Variants in STPG2 observed in about 807,000 individuals in gnomAD.
STPG2 encodes sperm-tail PG-rich repeat-containing protein 2.
In STPG2, 56 loss-of-function variants were observed where a neutral mutation model predicts 54.2. That is an observed-to-expected ratio of 1.03 (90% confidence interval 0.83 to 1.29). The LOEUF (loss-of-function observed/expected upper bound fraction) is 1.29. Ranked by LOEUF, STPG2 falls within the 50% of genes most tolerant of loss-of-function variation. STPG2 has a pLI of 0.00. For missense variants in STPG2, 596 were observed against 544.9 expected (o/e 1.09, Z -0.93); for synonymous variants, 200 against 181.8 (o/e 1.10, Z -0.81).
intron 9 of STPG2, among the ~76,000 whole-genome samples, chr4:97,834,857 G>C (rs1400706289): frequency 6.6e-6 from 1 of 151,972 alleles, no homozygotes; most frequent in African/African-American, 2.4e-5. Flanking sequence ...TCTCTACCCT[G>C]AATGCAAGAG....
chr4:98,079,560 A>G (rs1738274268), intron 5 of STPG2, among the ~76,000 whole-genome samples: 1 of 152,034 alleles, frequency 6.6e-6, no homozygotes, highest in South Asian at 2.1e-4. Flanking sequence ...TCACTTACAT[A>G]CTCACTCTTT....
intron 4 of STPG2, among the ~76,000 whole-genome samples, chr4:98,108,480 A>C (rs1043949315): frequency 6.6e-6 from 1 of 152,164 alleles, no homozygotes; most frequent in East Asian, 1.9e-4. Context: ...GTATTTCTTC[A>C]TAAATATTCT....
intron 4 of STPG2, among the ~76,000 whole-genome samples, chr4:97,508,065 A>G (rs1454905742): frequency 6.6e-6 from 1 of 152,044 alleles, no homozygotes; most frequent in African/African-American, 2.4e-5. Context: ...TTGAAGCTAT[A>G]TAGGAGCCCA....
intron 10 of STPG2, among the ~76,000 whole-genome samples, chr4:97,697,982 G>C (rs1723639414): frequency 6.6e-6 from 1 of 152,112 alleles, no homozygotes. Flanking sequence ...TAAATACGTG[G>C]GTAAAACTCT....
chr4:97,511,793 T>G (rs1192120795), intron 4 of STPG2, among the ~76,000 whole-genome samples: 1 of 151,974 alleles, frequency 6.6e-6, no homozygotes, highest in Non-Finnish European at 1.5e-5. Flanking sequence ...ATTAACATAA[T>G]TAATTTCCTA....
At chr4:97,883,958 A>G (rs1304480373) in intron 8 of STPG2, among the ~76,000 whole-genome samples, 1 of 152,154 alleles carries the variant, frequency 6.6e-6, no homozygotes, top group Admixed American at 6.5e-5. Flanking sequence ...AGATAGGAAC[A>G]GAGGATGTGG....
chr4:97,941,974 G>A (rs1222260180), intron 8 of STPG2, among the ~76,000 whole-genome samples: 1 of 151,738 alleles, frequency 6.6e-6, no homozygotes, highest in Non-Finnish European at 1.5e-5. Flanking sequence ...CTAAAAAGAA[G>A]TTTTCAGATC....
chr4:98,103,326 C>T (rs966578685), intron 5 of STPG2, among the ~76,000 whole-genome samples: 1 of 151,836 alleles, frequency 6.6e-6, no homozygotes, highest in Non-Finnish European at 1.5e-5. Context: ...ATTTACTAAC[C>T]TATCATGACC....
intron 4 of STPG2, among the ~76,000 whole-genome samples, chr4:97,515,458 A>G (rs925135784): frequency 6.6e-6 from 1 of 152,140 alleles, no homozygotes; most frequent in African/African-American, 2.4e-5. Context: ...GTGGGAAAGC[A>G]GAAAAGGGAA....
At chr4:97,588,141 G>T (rs992033227) in intron 10 of STPG2, among the ~76,000 whole-genome samples, 1 of 151,978 alleles carries the variant, frequency 6.6e-6, no homozygotes, top group Non-Finnish European at 1.5e-5. Flanking sequence ...ACTTTGGGAT[G>T]CCAAGGTGGG....
At chr4:97,966,554 C>T (rs925144531) in intron 7 of STPG2, among the ~76,000 whole-genome samples, 2 of 152,042 alleles carry the variant, frequency 1.3e-5, no homozygotes, top group African/African-American at 4.8e-5. Flanking sequence ...AGAATAGCAA[C>T]CCCAAGACAC....
intron 10 of STPG2, among the ~76,000 whole-genome samples, chr4:97,678,535 T>C (rs1722925609): frequency 2.0e-5 from 3 of 152,118 alleles, no homozygotes; most frequent in Admixed American, 1.3e-4. Context: ...CTAGATACTT[T>C]TTTCGTAACC....
At chr4:98,014,933 T>G (rs1052716301) in intron 5 of STPG2, among the ~76,000 whole-genome samples, 2 of 152,200 alleles carry the variant, frequency 1.3e-5, no homozygotes, top group African/African-American at 4.8e-5. Context: ...ATCATCCCAC[T>G]GTCTCCTGGC....
At chr4:97,723,923 G>T (rs1724538216) in intron 9 of STPG2, among the ~76,000 whole-genome samples, 1 of 152,152 alleles carries the variant, frequency 6.6e-6, no homozygotes, top group African/African-American at 2.4e-5. Context: ...TCAACACGTG[G>T]TGATTACAAT....
chr4:97,597,300 T>A (rs2148903098), intron 10 of STPG2, among the ~76,000 whole-genome samples: 1 of 152,122 alleles, frequency 6.6e-6, no homozygotes, highest in African/African-American at 2.4e-5. Context: ...CACAACCAGA[T>A]GGATTCACAG....
intron 8 of STPG2, among the ~76,000 whole-genome samples, chr4:97,866,235 T>A (rs780066777): frequency 6.6e-6 from 1 of 151,946 alleles, no homozygotes; most frequent in East Asian, 1.9e-4. Context: ...CATTTTAATA[T>A]AACTAAAAGA....
At chr4:97,682,335 A>G (rs1487327859) in intron 10 of STPG2, among the ~76,000 whole-genome samples, 3 of 151,798 alleles carry the variant, frequency 2.0e-5, no homozygotes, top group East Asian at 3.9e-4. Context: ...AGTTTCTTCA[A>G]AATTAAGGTT....
intron 5 of STPG2, among the ~76,000 whole-genome samples, chr4:98,011,499 T>G (rs1370492083): frequency 6.6e-6 from 1 of 152,184 alleles, no homozygotes; most frequent in Non-Finnish European, 1.5e-5. Context: ...TTGGGTCAAA[T>G]AGTATTTCTG....
At chr4:97,529,988 C>T (rs1470272197) in intron 4 of STPG2, among the ~76,000 whole-genome samples, 3 of 151,024 alleles carry the variant, frequency 2.0e-5, no homozygotes, top group Admixed American at 6.6e-5. Flanking sequence ...TTTTTTCTTC[C>T]CCCTTCACTA....
Sources: gnomAD v4.1 joint callset for allele counts (sites outside exome capture counted in the v4.1 genomes callset) on GRCh38, gnomAD v4.1.1 for gene constraint, MANE v1.5 for transcripts, NCBI Gene and HGNC (gene_info 2026-07-23, HGNC 2026-07-21) for gene names.